GLYATL1: variants seen among roughly 807,000 people sequenced by gnomAD.
GLYATL1 encodes the protein glycine N-acyltransferase-like protein 1.
Under a neutral mutation model 20.0 loss-of-function variants are expected in GLYATL1, and 15 were observed. That is an observed-to-expected ratio of 0.75 (90% CI 0.50 to 1.15). GLYATL1 has a LOEUF of 1.15. Among genes scored for constraint, GLYATL1 ranks in the 50% most tolerant of loss-of-function variants. GLYATL1 has a pLI of 0.00. For synonymous variants in GLYATL1, 151 were observed against 131.5 expected (o/e 1.15, Z -1.01); for missense variants, 380 against 368.5 (o/e 1.03, Z -0.26).
chr11:58,923,698 G>T (rs1253867717), upstream of GLYATL1, among the ~76,000 whole-genome samples: 1 of 152,128 alleles, frequency 6.6e-6, no homozygotes, highest in Non-Finnish European at 1.5e-5. Context: ...CCCTCTCCTT[G>T]CCAGCCTGCC....
chr11:58,945,772 CAG>C (rs1856527983), intron 2 of GLYATL1, among the ~76,000 whole-genome samples: 1 of 152,004 alleles, frequency 6.6e-6, no homozygotes, highest in Admixed American at 6.6e-5. Flanking sequence ...CAGAGTCAGA[CAG>C]GGGATAGGCT....
intron 1 of GLYATL1, among the ~76,000 whole-genome samples, chr11:58,942,021 G>A (rs1314331774): frequency 6.6e-6 from 1 of 152,206 alleles, no homozygotes; most frequent in Non-Finnish European, 1.5e-5. Flanking sequence ...AATGCTGACA[G>A]ATAACACAAG....
chr11:58,910,457 A>G (rs1855012430), downstream of GLYATL1, among the ~76,000 whole-genome samples: 1 of 152,244 alleles, frequency 6.6e-6, no homozygotes, highest in South Asian at 2.1e-4. Context: ...GGTGAATAAT[A>G]CAAATTCTCA....
At chr11:58,944,064 T>C (rs926606372) in intron 2 of GLYATL1, among the ~76,000 whole-genome samples, 2 of 152,148 alleles carry the variant, frequency 1.3e-5, no homozygotes, top group Non-Finnish European at 2.9e-5. Flanking sequence ...GGATCCTTAA[T>C]TTCTGTAAAA....
intron 1 of GLYATL1, chr11:58,907,163 C>G (rs922968322): frequency 2.1e-5 from 9 of 421,450 alleles, no homozygotes; most frequent in Non-Finnish European, 4.3e-5. Context: ...GGGCTCTGAT[C>G]AGTACACAGT....
In GLYATL1 at chr11:58,955,824, GA is replaced by G; in HGVS notation, c.711del (p.Lys237AsnfsTer11). Reference protein sequence around the residue: ...SCEVGMAYSMEKYRRTGNMAR... With the variant: ...SCEVGMAYSMXKYRRTGNMAR... The stretch of plus-strand genomic sequence containing the variant: ...TGAAGTAGGAATGGCCTACAGCATG[GA>G]AAAATACCGAAGGACAGGCAACATG... On this transcript the variant is annotated frameshift_variant, in exon 7 of 7. Coordinates refer to ENST00000532726, the MANE Select transcript of GLYATL1 (RefSeq NM_001389712.2). LOFTEE classifies it low-confidence loss of function (END_TRUNC). The G allele has an allele frequency of 6.2e-7, 1 of 1,614,200 alleles. No individual in the cohort carries two copies. Among genetic ancestry groups the G allele is most frequent in the Admixed American group, 1.7e-5 (1 of 60,030 alleles).
At chr11:58,909,118 GAGA>G (rs1854978676), downstream of GLYATL1, among the ~76,000 whole-genome samples, 1 of 152,130 alleles carries the variant, frequency 6.6e-6, no homozygotes, top group African/African-American at 2.4e-5. Context: ...AGAGTACAGA[GAGA>G]AGAATTCTTA....
chr11:58,921,801 G>A (rs1436885507), intron 1 of GLYATL1, among the ~76,000 whole-genome samples: 1 of 152,174 alleles, frequency 6.6e-6, no homozygotes, highest in Non-Finnish European at 1.5e-5. Flanking sequence ...ACTTCAATAA[G>A]CTGAGTAGCA....
chr11:58,943,955 CTTTTCT>C (rs1194265257), intron 2 of GLYATL1, among the ~76,000 whole-genome samples: 2,131 of 65,642 alleles, frequency 0.032, 59 homozygotes, highest in African/African-American at 0.092. Flanking sequence ...TGTTTCTTTT[CTTTTCT>C]TTTTTTTTTT....
At chr11:58,908,576 T>G (rs1013590464) in exon 2 of GLYATL1, 3 of 184,086 alleles carry the variant, frequency 1.6e-5, no homozygotes, top group Admixed American at 5.0e-5. Flanking sequence ...AACTCCTCAC[T>G]GGAGAGATAG....
chr11:58,951,234 T>C (rs1386233747), intron 4 of GLYATL1, among the ~76,000 whole-genome samples: 4 of 152,164 alleles, frequency 2.6e-5, no homozygotes. Flanking sequence ...TTGAATAGCA[T>C]GAATTAACAT....
chr11:58,933,273 C>CAAT (rs1855682658), intron 1 of GLYATL1, among the ~76,000 whole-genome samples: 2 of 152,070 alleles, frequency 1.3e-5, no homozygotes, highest in Non-Finnish European at 2.9e-5. Context: ...TAGATTTGAG[C>CAAT]AATAAATATT....
chr11:58,911,174 T>C (rs531318021), downstream of GLYATL1, among the ~76,000 whole-genome samples: 4 of 152,244 alleles, frequency 2.6e-5, no homozygotes, highest in Admixed American at 6.5e-5. Context: ...TTTCTATTGC[T>C]GAGTAACATT....
In GLYATL1 at chr11:58,947,841, T is replaced by A; in HGVS notation, c.79-17T>A. ...GGGGATCTCAACCTCTCCTGGTCCCTTTCATCCCTCCTTCAGGTGTATGGC... is the reference window on the plus strand; with the variant it reads ...GGGGATCTCAACCTCTCCTGGTCCCATTCATCCCTCCTTCAGGTGTATGGC... On this transcript the variant is annotated splice_polypyrimidine_tract_variant and intron_variant, in intron 3 of 6. Transcript: ENST00000532726. 6.4e-7 allele frequency: 1 copy of A among 1,564,108 alleles called. No individual in the cohort carries two copies. The highest frequency in any genetic ancestry group is 8.8e-7 in the Non-Finnish European group (1 of 1,134,584).
At chr11:58,921,121 G>A (rs1296463844) in intron 1 of GLYATL1, among the ~76,000 whole-genome samples, 1 of 152,148 alleles carries the variant, frequency 6.6e-6, no homozygotes, top group Admixed American at 6.5e-5. Flanking sequence ...TCCCCACTTT[G>A]TGGCTTCATA....
Position 58,955,375 on chromosome 11 carries a change from AT to A in GLYATL1, c.491+25del, listed in dbSNP as rs776508577. The stretch of plus-strand genomic sequence containing the variant: ...AAAGGTACAAAAACATGTGCTGATC[AT>A]TTATAATTGCGATTCCTTGTACATT... On this transcript the variant is annotated intron_variant, in intron 6 of 6. Coordinates refer to ENST00000532726, the MANE Select transcript of GLYATL1 (RefSeq NM_001389712.2). The A allele has an allele frequency of 1.2e-4, 184 of 1,594,984 alleles. 1 individual carries two copies. The highest frequency in any genetic ancestry group is 5.1e-5 in the Non-Finnish European group (60 of 1,169,478).
upstream of GLYATL1, among the ~76,000 whole-genome samples, chr11:58,938,418 G>C (rs1855933097): frequency 6.6e-6 from 1 of 152,168 alleles, no homozygotes; most frequent in Non-Finnish European, 1.5e-5. Flanking sequence ...CACACAGCCT[G>C]AAAAGCCCAA....
chr11:58,921,285 G>A (rs1196099602), intron 1 of GLYATL1, among the ~76,000 whole-genome samples: 2 of 152,168 alleles, frequency 1.3e-5, no homozygotes, highest in African/African-American at 4.8e-5. Flanking sequence ...CACAGTTCTT[G>A]GATAGTGGCC....
At chr11:58,905,696 G>A (rs1854852280) in intron 1 of GLYATL1, 1 of 449,102 alleles carries the variant, frequency 2.2e-6, no homozygotes, top group South Asian at 1.6e-5. Context: ...GAGTGGTTCG[G>A]GGGAGGGGAT....
Sources: gnomAD v4.1 joint callset for allele counts (sites outside exome capture counted in the v4.1 genomes callset) on GRCh38, gnomAD v4.1.1 for gene constraint, MANE v1.5 for transcripts, NCBI Gene and HGNC (gene_info 2026-07-23, HGNC 2026-07-21) for gene names.